The following FGF14 variants were observed in gnomAD, a reference collection of about 807,000 sequenced individuals.
FGF14 encodes the protein fibroblast growth factor homologous factor 4.
Under a neutral mutation model 25.5 loss-of-function variants are expected in FGF14, and 5 were observed. The observed-to-expected ratio is 0.20, with a 90% CI of 0.10 to 0.41. FGF14 has a LOEUF of 0.41. Ranked by LOEUF, FGF14 falls within the 10% of genes least tolerant of loss-of-function variation. FGF14 has a pLI of 1.00. For synonymous variants in FGF14, 138 were observed against 118.3 expected (o/e 1.17, Z -1.08); for missense variants, 222 against 320.1 (o/e 0.69, Z 2.34).
chr13:102,181,940 C>T (rs1015200815), intron 1 of FGF14, among the ~76,000 whole-genome samples: 1 of 152,124 alleles, frequency 6.6e-6, no homozygotes. Context: ...ACAGGGAGCG[C>T]GGCCCTGCTG....
At chr13:102,033,358 T>C (rs2041307394) in intron 1 of FGF14, among the ~76,000 whole-genome samples, 1 of 152,040 alleles carries the variant, frequency 6.6e-6, no homozygotes, top group African/African-American at 2.4e-5. Context: ...GAAGTGGTGG[T>C]TAAAATGGGG....
chr13:102,216,401 A>G (rs1233818329), intron 1 of FGF14, among the ~76,000 whole-genome samples: 1 of 152,232 alleles, frequency 6.6e-6, no homozygotes, highest in Non-Finnish European at 1.5e-5. Flanking sequence ...TAACATAGGT[A>G]AAGAATCAAG....
At chr13:101,734,963 C>T (rs9557731) in intron 3 of FGF14, among the ~76,000 whole-genome samples, 37,910 of 152,054 alleles carry the variant, frequency 0.25, 5,528 homozygotes, top group East Asian at 0.5. Flanking sequence ...TCCCAACCAA[C>T]GACCTTTGCC....
chr13:101,851,821 G>T (rs928395972), intron 3 of FGF14, among the ~76,000 whole-genome samples: 1 of 152,022 alleles, frequency 6.6e-6, no homozygotes, highest in Non-Finnish European at 1.5e-5. Flanking sequence ...GGCATTTGCT[G>T]GTATTTAAAT....
intron 1 of FGF14, among the ~76,000 whole-genome samples, chr13:101,924,368 A>G (rs1028013294): frequency 1.3e-5 from 2 of 152,008 alleles, no homozygotes; most frequent in Admixed American, 1.3e-4. Context: ...GTACATCTGC[A>G]CACACATGTT....
chr13:102,307,224 CT>C (rs1335166327), intron 1 of FGF14, among the ~76,000 whole-genome samples: 1 of 152,156 alleles, frequency 6.6e-6, no homozygotes, highest in Non-Finnish European at 1.5e-5. Flanking sequence ...TGGAACCTAA[CT>C]TTTCCAACAT....
At chr13:102,310,300 C>T (rs919000499) in intron 1 of FGF14, among the ~76,000 whole-genome samples, 4 of 152,172 alleles carry the variant, frequency 2.6e-5, no homozygotes, top group African/African-American at 9.7e-5. Context: ...ACACATCCTT[C>T]CCCCTTTCCT....
intron 1 of FGF14, among the ~76,000 whole-genome samples, chr13:102,127,987 G>C (rs1407961555): frequency 6.6e-6 from 1 of 152,180 alleles, no homozygotes; most frequent in East Asian, 1.9e-4. Flanking sequence ...CGGTGGGGAA[G>C]CACCTGCCCC....
chr13:101,928,725 C>A (rs1324258860), intron 1 of FGF14, among the ~76,000 whole-genome samples: 1 of 152,168 alleles, frequency 6.6e-6, no homozygotes, highest in African/African-American at 2.4e-5. Flanking sequence ...CCTGATTTCT[C>A]TTCTCCTGAT....
At chr13:102,306,977 TC>T (rs1360167798) in intron 1 of FGF14, among the ~76,000 whole-genome samples, 3 of 152,042 alleles carry the variant, frequency 2.0e-5, no homozygotes, top group Non-Finnish European at 4.4e-5. Flanking sequence ...GGAAAGAGTA[TC>T]CTGAATGACC....
chr13:102,187,122 C>T (rs1277538481), intron 1 of FGF14, among the ~76,000 whole-genome samples: 8 of 152,136 alleles, frequency 5.3e-5, no homozygotes, highest in Admixed American at 1.3e-4. Context: ...CTAGCCTTTT[C>T]CCATTAACTC....
In FGF14 at chr13:101,713,905, T is replaced by C. The variant is rs2034593925; in HGVS notation, c.*8926A>G. 1 of 152,910 alleles carries C rather than the reference T, an allele frequency of 6.5e-6. No homozygotes were observed. The highest frequency in any genetic ancestry group is 6.5e-5 in the Admixed American group (1 of 15,404). The allele number at this position is 152,910 out of a possible 1,614,324, so 9.5% of individuals were successfully genotyped here. A position where few individuals can be genotyped will look rare whatever the true frequency, so the allele number is the denominator to read the frequency against. On this transcript the variant is annotated 3_prime_UTR_variant, in exon 5 of 5. Transcript: ENST00000376143. The stretch of plus-strand genomic sequence containing the variant: ...TCACAAGGCAAATATACTGAGTGAC[T>C]GTATGCATTTTTAGCACTTTAATTA...
At chr13:102,222,185 C>T (rs2050642626) in intron 1 of FGF14, among the ~76,000 whole-genome samples, 1 of 152,148 alleles carries the variant, frequency 6.6e-6, no homozygotes, top group Non-Finnish European at 1.5e-5. Context: ...TTGCTGAATT[C>T]ATCCACTGCT....
intron 1 of FGF14, among the ~76,000 whole-genome samples, chr13:102,301,030 C>T (rs1012775488): frequency 3.3e-5 from 5 of 151,722 alleles, no homozygotes; most frequent in African/African-American, 1.2e-4. Context: ...AAGAAAAAGG[C>T]TATTAGGCTA....
intron 1 of FGF14, among the ~76,000 whole-genome samples, chr13:101,935,784 C>T (rs1412926720): frequency 6.6e-6 from 1 of 152,156 alleles, no homozygotes; most frequent in East Asian, 1.9e-4. Flanking sequence ...CAAAACAAAA[C>T]ACACAGAGAT....
At chr13:101,875,420 C>G (rs1279423963) in intron 1 of FGF14, 124 bp from the exon 2 acceptor site, 1 of 713,044 alleles carries the variant, frequency 1.4e-6, no homozygotes, top group African/African-American at 1.8e-5. Flanking sequence ...TTTATTTTGT[C>G]TCTCAGATTC....
At chr13:101,836,787 G>A (rs9557743) in intron 3 of FGF14, among the ~76,000 whole-genome samples, 62,731 of 151,726 alleles carry the variant, frequency 0.41, 13,532 homozygotes, top group Non-Finnish European at 0.45. Context: ...GAACCAGCAA[G>A]AGATTTTTGA....
intron 1 of FGF14, among the ~76,000 whole-genome samples, chr13:101,896,851 G>T (rs2030763618): frequency 6.6e-6 from 1 of 152,102 alleles, no homozygotes; most frequent in Non-Finnish European, 1.5e-5. Context: ...CATAATAGGG[G>T]ATTTCACAGT....
chr13:101,865,846 T>C (rs1240799869), intron 3 of FGF14, among the ~76,000 whole-genome samples: 1 of 152,236 alleles, frequency 6.6e-6, no homozygotes, highest in East Asian at 1.9e-4. Context: ...TAGACTCTAG[T>C]TTACACTGCA....
Sources: gnomAD v4.1 joint callset for allele counts (sites outside exome capture counted in the v4.1 genomes callset) on GRCh38, gnomAD v4.1.1 for gene constraint, MANE v1.5 for transcripts, NCBI Gene and HGNC (gene_info 2026-07-23, HGNC 2026-07-21) for gene names.